Variants in CCBE1 observed in about 807,000 individuals in gnomAD.
The protein encoded by CCBE1 is collagen and calcium-binding EGF domain-containing protein 1.
In CCBE1, 37 loss-of-function variants were observed where a neutral mutation model predicts 50.0. That is an observed-to-expected ratio of 0.74 (90% confidence interval 0.57 to 0.97). CCBE1 has a LOEUF of 0.97. CCBE1 is among the 50% of genes least tolerant of loss of function. The pLI, the probability that CCBE1 is intolerant of heterozygous loss-of-function variation, is 0.00. For missense variants in CCBE1, 538 were observed against 523.8 expected (o/e 1.03, Z -0.26); for synonymous variants, 234 against 203.7 (o/e 1.15, Z -1.27).
At chr18:59,549,438 G>A (rs1353125937) in intron 2 of CCBE1, among the ~76,000 whole-genome samples, 3 of 152,124 alleles carry the variant, frequency 2.0e-5, no homozygotes, top group South Asian at 2.1e-4. Flanking sequence ...GTCCCCCAAC[G>A]CCAACCGAAT....
intron 7 of CCBE1, among the ~76,000 whole-genome samples, chr18:59,447,500 CAT>C (rs1219719905): frequency 6.6e-6 from 1 of 152,062 alleles, no homozygotes; most frequent in African/African-American, 2.4e-5. Flanking sequence ...CTTGTAAAAA[CAT>C]ATAGCTAGGT....
At chr18:59,588,134 G>A (rs975753102) in intron 2 of CCBE1, among the ~76,000 whole-genome samples, 7 of 152,170 alleles carry the variant, frequency 4.6e-5, no homozygotes, top group Non-Finnish European at 1.0e-4. Flanking sequence ...AAAGGGCCAA[G>A]AATAGCCAAG....
chr18:59,542,004 C>G (rs1915485219), intron 2 of CCBE1, among the ~76,000 whole-genome samples: 1 of 151,990 alleles, frequency 6.6e-6, no homozygotes, highest in South Asian at 2.1e-4. Flanking sequence ...TGGTGAGACC[C>G]TGTTTTACAA....
chr18:59,581,439 CAA>C (rs10676136), intron 2 of CCBE1, among the ~76,000 whole-genome samples: 3 of 133,294 alleles, frequency 2.3e-5, no homozygotes, highest in African/African-American at 2.7e-5. Context: ...GACTCCATCT[CAA>C]AAAAAAAAAA....
At chr18:59,583,163 A>G (rs572314107) in intron 2 of CCBE1, among the ~76,000 whole-genome samples, 1 of 152,212 alleles carries the variant, frequency 6.6e-6, no homozygotes, top group Non-Finnish European at 1.5e-5. Flanking sequence ...TGTTGGATTC[A>G]TCACCTGAAC....
chr18:59,608,109 G>C (rs1190030833), intron 2 of CCBE1, among the ~76,000 whole-genome samples: 3 of 152,178 alleles, frequency 2.0e-5, no homozygotes, highest in South Asian at 4.1e-4. Context: ...GACAGAGTGA[G>C]ACTCCGTCTC....
intron 2 of CCBE1, among the ~76,000 whole-genome samples, chr18:59,652,184 A>C (rs1041970154): frequency 6.6e-6 from 1 of 152,186 alleles, no homozygotes; most frequent in Admixed American, 6.5e-5. Context: ...GTTACTGCAA[A>C]TGGCAGGATT....
At chr18:59,504,118 T>C (rs28599601) in intron 2 of CCBE1, among the ~76,000 whole-genome samples, 39,849 of 152,076 alleles carry the variant, frequency 0.26, 5,449 homozygotes, top group Middle Eastern at 0.34. Flanking sequence ...GAGGAAAAAA[T>C]GATCAAACAT....
At chr18:59,646,786 C>G (rs931746353) in intron 2 of CCBE1, among the ~76,000 whole-genome samples, 1 of 152,222 alleles carries the variant, frequency 6.6e-6, no homozygotes, top group African/African-American at 2.4e-5. Flanking sequence ...AGCTGCACTG[C>G]TGATGAGATG....
At chr18:59,697,182 T>C (rs1464208525) in intron 1 of CCBE1, 30 bp downstream of exon 1, 1 of 1,547,620 alleles carries the variant, frequency 6.5e-7, no homozygotes, top group Admixed American at 2.0e-5. Context: ...AAGCAGGAGC[T>C]CGCCCTCCGC....
At chr18:59,570,763 G>A (rs1368118214) in intron 2 of CCBE1, among the ~76,000 whole-genome samples, 5 of 152,176 alleles carry the variant, frequency 3.3e-5, no homozygotes, top group Admixed American at 6.5e-5. Context: ...TTTTCAGAAA[G>A]GACAAAGGAC....
chr18:59,635,538 T>C (rs1314039235), intron 2 of CCBE1, among the ~76,000 whole-genome samples: 1 of 152,006 alleles, frequency 6.6e-6, no homozygotes, highest in African/African-American at 2.4e-5. Context: ...TCCAAAATAC[T>C]GATTAAAAAT....
rs2054229911 is a variant in CCBE1 at position 59,658,357 on chromosome 18, ATATATATATATATATATATATATAT to A, written c.212+38247_212+38271del. ...AAAAAAAAAAAAAAAAAAAAAAAAT[ATATATATATATATATATATATATAT>A]ATATATATATATATATATATATATA... On this transcript the variant is annotated intron_variant, in intron 2 of 10. Transcript: ENST00000439986. 2.6e-3 allele frequency among the ~76,000 whole-genome samples: 4 copies of A among 1,568 alleles called. 2 individuals are homozygous for A. In the East Asian group the frequency reaches 0.18, roughly 71 times the overall value. The allele number at this position is 1,568 out of a possible 152,430, so 1.0% of individuals were successfully genotyped here.
chr18:59,530,556 G>A (rs1010408089), intron 2 of CCBE1, among the ~76,000 whole-genome samples: 2 of 151,022 alleles, frequency 1.3e-5, no homozygotes, highest in Non-Finnish European at 3.0e-5. Flanking sequence ...TTATCTCTCA[G>A]AAACTGAGCA....
intron 2 of CCBE1, among the ~76,000 whole-genome samples, chr18:59,690,358 A>G (rs2054713766): frequency 6.6e-6 from 1 of 152,192 alleles, no homozygotes; most frequent in Admixed American, 6.5e-5. Context: ...TTCATCCCGC[A>G]AATAAAAGCA....
chr18:59,507,671 G>C (rs1312307967), intron 2 of CCBE1, among the ~76,000 whole-genome samples: 1 of 152,122 alleles, frequency 6.6e-6, no homozygotes, highest in Non-Finnish European at 1.5e-5. Context: ...CATGAGAGTA[G>C]TTACCTAAAT....
At chr18:59,696,836 G>A (rs1568278867) in intron 1 of CCBE1, 127 bp from the exon 2 acceptor site, 11 of 1,071,904 alleles carry the variant, frequency 1.0e-5, no homozygotes, top group Non-Finnish European at 1.5e-5. Flanking sequence ...GGCAGGGGCT[G>A]GTCCCCAAAC....
chr18:59,564,050 A>G (rs2052781476), intron 2 of CCBE1: 1 of 152,254 alleles, frequency 6.6e-6, no homozygotes, highest in South Asian at 2.1e-4. Flanking sequence ...CAGAAGCAGG[A>G]CAAACCTGAG....
chr18:59,481,293 GA>G (rs1002458720), intron 2 of CCBE1, among the ~76,000 whole-genome samples: 2 of 151,142 alleles, frequency 1.3e-5, no homozygotes, highest in Non-Finnish European at 2.9e-5. Flanking sequence ...GAAGGAAAGA[GA>G]AAAAAAGACT....
Sources: gnomAD v4.1 joint callset for allele counts (sites outside exome capture counted in the v4.1 genomes callset) on GRCh38, gnomAD v4.1.1 for gene constraint, MANE v1.5 for transcripts, NCBI Gene and HGNC (gene_info 2026-07-23, HGNC 2026-07-21) for gene names.